Variants in GRB14 observed in about 807,000 individuals in gnomAD.
GRB14 encodes the protein growth factor receptor bound protein 14.
In GRB14, 38 loss-of-function variants were observed where a neutral mutation model predicts 69.1. That is an observed-to-expected ratio of 0.55 (90% CI 0.42 to 0.72). The LOEUF (loss-of-function observed/expected upper bound fraction) is 0.72. Ranked by LOEUF, GRB14 falls within the 30% of genes least tolerant of loss-of-function variation. The pLI is 0.00. For missense variants in GRB14, 666 were observed against 666.1 expected (o/e 1.00, Z 0.00); for synonymous variants, 247 against 241.3 (o/e 1.02, Z -0.22).
chr2:164,571,476 T>C (rs936287792), intron 2 of GRB14, among the ~76,000 whole-genome samples: 2 of 152,206 alleles, frequency 1.3e-5, no homozygotes, highest in African/African-American at 4.8e-5. Context: ...CAATAAAATA[T>C]TACAGAATAG....
At chr2:164,505,194 T>A (rs534205012) in intron 8 of GRB14, among the ~76,000 whole-genome samples, 2 of 152,310 alleles carry the variant, frequency 1.3e-5, no homozygotes, top group East Asian at 3.9e-4. Flanking sequence ...CAATGACGCA[T>A]CTTTGAACTG....
chr2:164,495,946 A>AATCT (rs1553505228), intron 12 of GRB14, among the ~76,000 whole-genome samples: 2 of 152,238 alleles, frequency 1.3e-5, no homozygotes, highest in African/African-American at 2.4e-5. Flanking sequence ...AGAAAATTAC[A>AATCT]ATCTTTCAAA....
At chr2:164,545,081 T>C (rs570502075) in intron 3 of GRB14, among the ~76,000 whole-genome samples, 35 of 152,346 alleles carry the variant, frequency 2.3e-4, no homozygotes, top group Non-Finnish European at 3.2e-4. Context: ...ATTTTGTATA[T>C]TGGCAGCTAT....
chr2:164,567,014 G>T (rs555747298), intron 2 of GRB14, among the ~76,000 whole-genome samples: 2 of 151,902 alleles, frequency 1.3e-5, no homozygotes, highest in African/African-American at 2.4e-5. Context: ...AATATTAACC[G>T]GATAAAGAAG....
At chr2:164,584,955 T>A (rs750928154) in intron 2 of GRB14, among the ~76,000 whole-genome samples, 4 of 150,760 alleles carry the variant, frequency 2.7e-5, no homozygotes, top group African/African-American at 4.9e-5. Flanking sequence ...TTTTGTGGTT[T>A]TTTTGAGATG....
At position 164,493,106 on chromosome 2, in the gene GRB14, T is replaced by A; in HGVS notation, c.1553A>T (p.Glu518Val). ...AACGCCCTTATTGAGTTGATAGAAC[T>A]CCACCAGCTGTATTAGATCTGTAAA... ...TRFTDLIQLV[E>V]FYQLNKGVLP... Residue 518 changes from glutamate to valine, a missense_variant, in exon 14 of 14, where the codon GAG becomes GTG. Physicochemically the swap from Glu to Val is moderately radical, Grantham distance 121. Transcript: ENST00000263915. 6.2e-7 allele frequency: 1 copy of A among 1,613,576 alleles called. No individual in the cohort carries two copies. Among genetic ancestry groups the A allele is most frequent in the Non-Finnish European group, 8.5e-7 (1 of 1,179,632 alleles).
At position 164,492,890 on chromosome 2, in the gene GRB14, T is replaced by C. The variant is rs538714360; in HGVS notation, c.*146A>G. On this transcript the variant is annotated 3_prime_UTR_variant, in exon 14 of 14. Coordinates refer to ENST00000263915, the MANE Select transcript of GRB14 (RefSeq NM_004490.3). ...TAAAGTCAATCCAAGTCTTTGCTTATTTGCAATGCACAAACTATTTTTTTG... is the reference window on the plus strand; with the variant it reads ...TAAAGTCAATCCAAGTCTTTGCTTACTTGCAATGCACAAACTATTTTTTTG... The C allele has an allele frequency of 3.3e-6, 2 of 611,748 alleles. No individual in the cohort carries two copies. The highest frequency in any genetic ancestry group is 3.5e-5 in the Admixed American group (1 of 28,198). 37.9% of individuals were successfully genotyped at this position (611,748 alleles called of 1,614,324 possible). A position where few individuals can be genotyped will look rare whatever the true frequency, so the allele number is the denominator to read the frequency against.
chr2:164,521,951 C>T (rs1687643807), intron 6 of GRB14, 29 bp downstream of exon 6: 2 of 1,555,840 alleles, frequency 1.3e-6, no homozygotes, highest in African/African-American at 1.4e-5. Flanking sequence ...ATATGTCAGT[C>T]ATAACACATC....
intron 2 of GRB14, among the ~76,000 whole-genome samples, chr2:164,610,466 G>A (rs933350004): frequency 5.3e-5 from 8 of 151,988 alleles, no homozygotes; most frequent in South Asian, 2.1e-4. Context: ...CAAAAGATAC[G>A]TACTTTTAAA....
intron 6 of GRB14, among the ~76,000 whole-genome samples, chr2:164,513,258 G>A (rs1187401243): frequency 6.6e-6 from 1 of 152,066 alleles, no homozygotes; most frequent in Non-Finnish European, 1.5e-5. Flanking sequence ...TCACTCCCTT[G>A]TTCAAACACT....
chr2:164,494,556 A>G (rs746522502), intron 12 of GRB14, 32 bp from the exon 13 acceptor site: 20 of 1,054,582 alleles, frequency 1.9e-5, no homozygotes, highest in Non-Finnish European at 2.8e-5. Flanking sequence ...CAATGTTTCT[A>G]TATTTACTCA....
chr2:164,529,324 A>G (rs1416025827), intron 3 of GRB14, among the ~76,000 whole-genome samples: 1 of 152,162 alleles, frequency 6.6e-6, no homozygotes, highest in Non-Finnish European at 1.5e-5. Context: ...AAAATATTTC[A>G]GAGATTGATG....
At chr2:164,572,793 C>G (rs1178931408) in intron 2 of GRB14, among the ~76,000 whole-genome samples, 2 of 152,098 alleles carry the variant, frequency 1.3e-5, no homozygotes, top group African/African-American at 4.8e-5. Context: ...CTGTATAAAG[C>G]CCCCAGTGGC....
intron 12 of GRB14, among the ~76,000 whole-genome samples, chr2:164,496,373 C>A (rs1254633845): frequency 6.6e-6 from 1 of 152,156 alleles, no homozygotes; most frequent in South Asian, 2.1e-4. Flanking sequence ...AAATAAAATT[C>A]TTCACATTAT....
In GRB14 at chr2:164,576,356, ATTTAAC is replaced by A. The variant is rs147686090; in HGVS notation, c.325-28546_325-28541del. 8.2e-3 allele frequency among the ~76,000 whole-genome samples: 1,248 copies of A among 152,038 alleles called. 23 individuals are homozygous for A. The highest frequency in any genetic ancestry group is 0.028 in the African/African-American group (1,165 of 41,540). On this transcript the variant is annotated intron_variant, in intron 2 of 13. Coordinates refer to ENST00000263915, the MANE Select transcript of GRB14 (RefSeq NM_004490.3). The stretch of plus-strand genomic sequence containing the variant: ...AATAAAATAGATTTAATTGCCATAT[ATTTAAC>A]TTTAAGGTGAAATCAGAGAATATCC...
intron 2 of GRB14, among the ~76,000 whole-genome samples, chr2:164,561,487 G>T (rs930382202): frequency 6.6e-6 from 1 of 152,164 alleles, no homozygotes; most frequent in Admixed American, 6.6e-5. Context: ...GCAAGGAAAA[G>T]TAACTAGGAG....
Position 164,497,249 on chromosome 2 carries a change from C to G in GRB14, c.1256G>C (p.Ser419Thr), listed in dbSNP as rs567527688. ...AGAGCTCTGTGAAGAGGCAGTGGGG[C>G]TACCGTGAGTGCCCAGGCGTAAACA... Reference protein sequence around the residue: ...KGCLRLGTHGSPTASSQSSAT... With the variant: ...KGCLRLGTHGTPTASSQSSAT... The change falls in exon 11 of 14, where the codon AGC (serine) becomes ACC (threonine). Residue 419 changes from serine to threonine, a missense_variant. Ser to Thr is a moderately conservative substitution (Grantham distance 58). Coordinates refer to ENST00000263915, the MANE Select transcript of GRB14 (RefSeq NM_004490.3). 6.2e-7 allele frequency: 1 copy of G among 1,613,798 alleles called. No individual in the cohort carries two copies. The highest frequency in any genetic ancestry group is 8.5e-7 in the Non-Finnish European group (1 of 1,179,852).
intron 2 of GRB14, among the ~76,000 whole-genome samples, chr2:164,617,108 A>G (rs967436289): frequency 6.6e-5 from 10 of 152,172 alleles, no homozygotes; most frequent in Non-Finnish European, 1.3e-4. Flanking sequence ...TAGGTGGGGG[A>G]AAAAGGAAGC....
At chr2:164,619,582 C>T in intron 2 of GRB14, 105 bp downstream of exon 2, 1 of 709,970 alleles carries the variant, frequency 1.4e-6, no homozygotes, top group Non-Finnish European at 2.3e-6. Context: ...TTTAACAGAG[C>T]CCATGCTAAT....
Sources: gnomAD v4.1 joint callset for allele counts (sites outside exome capture counted in the v4.1 genomes callset) on GRCh38, gnomAD v4.1.1 for gene constraint, MANE v1.5 for transcripts, NCBI Gene and HGNC (gene_info 2026-07-23, HGNC 2026-07-21) for gene names.